Variants in HAO1 observed in about 807,000 individuals in gnomAD.
HAO1 encodes hydroxyacid oxidase 1, also known as 2-Hydroxyacid oxidase 1.
In HAO1, 34 loss-of-function variants were observed where a neutral mutation model predicts 39.7. That is an observed-to-expected ratio of 0.86 (90% CI 0.65 to 1.14). The LOEUF (loss-of-function observed/expected upper bound fraction) is 1.14. Among genes scored for constraint, HAO1 ranks in the 50% most tolerant of loss-of-function variants. The pLI, the probability that HAO1 is intolerant of heterozygous loss-of-function variation, is 0.00. For synonymous variants in HAO1, 172 were observed against 173.2 expected, an observed-to-expected ratio of 0.99 and a Z score of 0.05; for missense variants, 479 against 464.5, an observed-to-expected ratio of 1.03 and a Z score of -0.29.
chr20:7,891,533 C>T (rs1014129855), intron 5 of HAO1, among the ~76,000 whole-genome samples: 1 of 152,110 alleles, frequency 6.6e-6, no homozygotes, highest in Non-Finnish European at 1.5e-5. Context: ...GTGCAAAAAG[C>T]TCTTTAGTTT....
chr20:7,924,591 T>C (rs2122788838), intron 2 of HAO1, among the ~76,000 whole-genome samples: 1 of 152,228 alleles, frequency 6.6e-6, no homozygotes, highest in Admixed American at 6.6e-5. Flanking sequence ...AGTAAATTAT[T>C]TGGAACATCA....
At chr20:7,916,547 GCTT>G in intron 2 of HAO1, among the ~76,000 whole-genome samples, 1 of 152,308 alleles carries the variant, frequency 6.6e-6, no homozygotes, top group South Asian at 2.1e-4. Context: ...CACCCACAGA[GCTT>G]CTGGTCCAGT....
At chr20:7,914,753 C>A (rs1295706170) in intron 2 of HAO1, among the ~76,000 whole-genome samples, 1 of 152,052 alleles carries the variant, frequency 6.6e-6, no homozygotes, top group Non-Finnish European at 1.5e-5. Flanking sequence ...ATATTAAGAA[C>A]CTGAACATCC....
intron 5 of HAO1, among the ~76,000 whole-genome samples, chr20:7,892,888 T>A (rs1331598821): frequency 6.6e-6 from 1 of 152,146 alleles, no homozygotes; most frequent in African/African-American, 2.4e-5. Flanking sequence ...TTATGAAATA[T>A]TACAGTTGAA....
rs2050277247 is a variant in HAO1 at position 7,911,055 on chromosome 20, G to A, written c.545+3109C>T. On this transcript the variant is annotated intron_variant, in intron 3 of 7. Coordinates refer to ENST00000378789, the MANE Select transcript of HAO1 (RefSeq NM_017545.3). ...CTGTTACAGACAGAGGGAACAGCCA[G>A]TGCAAAGGCTCCGGGGTTCCAGCAT... Among the ~76,000 whole-genome samples the A allele has an allele frequency of 2.0e-5, 3 of 152,232 alleles. No individual in the cohort carries two copies. The South Asian group carries it at 6.2e-4, about 31-fold the overall frequency.
chr20:7,921,462 G>A (rs948848414), intron 2 of HAO1, among the ~76,000 whole-genome samples: 8 of 152,014 alleles, frequency 5.3e-5, no homozygotes, highest in African/African-American at 1.9e-4. Context: ...ATACTATGTT[G>A]GTGAGTCTGT....
Position 7,914,439 on chromosome 20 carries a change from A to C in HAO1, c.290-20T>G. ...GACAGGCTGAGAAAGAAAGGGGATG[A>C]TCAAGATGGGCCTGGCATTGCTTAC... On this transcript the variant is annotated intron_variant, in intron 2 of 7. Coordinates refer to ENST00000378789, the MANE Select transcript of HAO1 (RefSeq NM_017545.3). 6.2e-7 allele frequency: 1 copy of C among 1,610,474 alleles called. No individual in the cohort carries two copies. Among genetic ancestry groups the C allele is most frequent in the Non-Finnish European group, 8.5e-7 (1 of 1,177,776 alleles).
chr20:7,921,324 A>G (rs971529757), intron 2 of HAO1, among the ~76,000 whole-genome samples: 3 of 152,204 alleles, frequency 2.0e-5, no homozygotes, highest in Admixed American at 6.6e-5. Flanking sequence ...AAACAAAGGC[A>G]TAAAAGAGGC....
At chr20:7,898,999 C>A (rs1181972301) in intron 4 of HAO1, among the ~76,000 whole-genome samples, 1 of 150,574 alleles carries the variant, frequency 6.6e-6, no homozygotes, top group Non-Finnish European at 1.5e-5. Flanking sequence ...TTTTTTCAAA[C>A]CTCGTAATTG....
At chr20:7,932,831 CATA>C in intron 2 of HAO1, among the ~76,000 whole-genome samples, 2 of 152,068 alleles carry the variant, frequency 1.3e-5, no homozygotes, top group South Asian at 4.2e-4. Flanking sequence ...CCTCAAAAAT[CATA>C]ATTATTTCCT....
At chr20:7,917,218 T>C (rs145601530) in intron 2 of HAO1, among the ~76,000 whole-genome samples, 1,993 of 151,820 alleles carry the variant, frequency 0.013, 39 homozygotes, top group African/African-American at 0.043. Context: ...CGCATGCCTG[T>C]AATCCCAGCT....
intron 5 of HAO1, among the ~76,000 whole-genome samples, chr20:7,892,610 T>C (rs972370242): frequency 6.6e-6 from 1 of 152,158 alleles, no homozygotes; most frequent in African/African-American, 2.4e-5. Context: ...GTTGTGTGGA[T>C]AAATTCAAAT....
chr20:7,887,794 TAA>T (rs1339355845), intron 5 of HAO1, among the ~76,000 whole-genome samples: 1 of 152,154 alleles, frequency 6.6e-6, no homozygotes, highest in African/African-American at 2.4e-5. Context: ...TAAAGGTACT[TAA>T]AAATGTGAAT....
chr20:7,908,492 G>T (rs2050259962), intron 3 of HAO1, among the ~76,000 whole-genome samples: 1 of 151,830 alleles, frequency 6.6e-6, no homozygotes, highest in South Asian at 2.1e-4. Flanking sequence ...AGAAAACTAT[G>T]ATTTTTTACA....
intron 1 of HAO1, among the ~76,000 whole-genome samples, chr20:7,938,847 CT>C (rs538976702): frequency 1.3e-5 from 2 of 152,044 alleles, no homozygotes; most frequent in African/African-American, 2.4e-5. Flanking sequence ...CTAATTAGCT[CT>C]AGTTAATTAG....
chr20:7,910,910 T>A (rs1210364888), intron 3 of HAO1, among the ~76,000 whole-genome samples: 1 of 152,186 alleles, frequency 6.6e-6, no homozygotes, highest in Admixed American at 6.5e-5. Context: ...ATCTTGCTCA[T>A]ATTTGCATCT....
intron 4 of HAO1, among the ~76,000 whole-genome samples, chr20:7,896,781 C>T (rs2050199876): frequency 6.6e-6 from 1 of 152,100 alleles, no homozygotes; most frequent in African/African-American, 2.4e-5. Context: ...GTTCTTCAAA[C>T]TTTTCAATTA....
At chr20:7,939,438 G>A (rs2050430505) in intron 1 of HAO1, among the ~76,000 whole-genome samples, 1 of 152,088 alleles carries the variant, frequency 6.6e-6, no homozygotes, top group Non-Finnish European at 1.5e-5. Flanking sequence ...AGGGAGGAAG[G>A]CTAATTCTCT....
chr20:7,892,326 C>A (rs990807304), intron 5 of HAO1, among the ~76,000 whole-genome samples: 3 of 152,150 alleles, frequency 2.0e-5, no homozygotes, highest in Non-Finnish European at 4.4e-5. Context: ...CTCAAGTGAT[C>A]CACTTGCCTT....
Sources: gnomAD v4.1 joint callset for allele counts (sites outside exome capture counted in the v4.1 genomes callset) on GRCh38, gnomAD v4.1.1 for gene constraint, MANE v1.5 for transcripts, NCBI Gene and HGNC (gene_info 2026-07-23, HGNC 2026-07-21) for gene names.